Variants in GSAP observed in about 807,000 individuals in gnomAD.
GSAP encodes the protein gamma-secretase-activating protein.
Under a neutral mutation model 131.7 loss-of-function variants are expected in GSAP, and 118 were observed. The observed-to-expected ratio is 0.90, with a 90% CI of 0.77 to 1.04. The LOEUF is 1.04. GSAP is among the 50% of genes least tolerant of loss of function. GSAP has a pLI of 0.00. For synonymous variants in GSAP, 381 were observed against 363.4 expected (o/e 1.05, Z -0.55); for missense variants, 1,019 against 1,013.2 (o/e 1.01, Z -0.08).
intron 24 of GSAP, 126 bp from the exon 25 acceptor site, chr7:77,321,529 A>G (rs1035386332): frequency 1.5e-6 from 1 of 667,770 alleles, no homozygotes; most frequent in Non-Finnish European, 2.7e-6. Flanking sequence ...CCAGACACAC[A>G]ACTAGCCTTT....
chr7:77,370,748 G>T (rs1795998166), intron 12 of GSAP, among the ~76,000 whole-genome samples: 1 of 152,022 alleles, frequency 6.6e-6, no homozygotes, highest in South Asian at 2.1e-4. Flanking sequence ...ATTCCCATAT[G>T]CCACTTAACC....
intron 1 of GSAP, among the ~76,000 whole-genome samples, chr7:77,411,098 T>TATAA (rs1554440951): frequency 1.8e-5 from 2 of 108,866 alleles, no homozygotes; most frequent in African/African-American, 7.2e-5. Flanking sequence ...AAGAAAATAG[T>TATAA]AAAAAAAAAA....
At chr7:77,348,871 T>C (rs1195094525) in intron 19 of GSAP, among the ~76,000 whole-genome samples, 3 of 152,358 alleles carry the variant, frequency 2.0e-5, no homozygotes, top group African/African-American at 7.2e-5. Flanking sequence ...AAAGCTGTTT[T>C]TACAACCAGA....
intron 25 of GSAP, among the ~76,000 whole-genome samples, 195 bp downstream of exon 25, chr7:77,321,138 T>C (rs1358421423): frequency 6.6e-6 from 1 of 152,174 alleles, no homozygotes; most frequent in African/African-American, 2.4e-5. Flanking sequence ...TTTGTTTTAA[T>C]TTTAGCTTTT....
intron 26 of GSAP, among the ~76,000 whole-genome samples, chr7:77,316,546 G>A (rs868761697): frequency 1.4e-4 from 22 of 152,210 alleles, no homozygotes; most frequent in African/African-American, 4.8e-4. Flanking sequence ...TAACAACAAC[G>A]TTTTTCAAAT....
At chr7:77,416,181 C>A in intron 1 of GSAP, 32 bp downstream of exon 1, 3 of 1,058,310 alleles carry the variant, frequency 2.8e-6, no homozygotes, top group Non-Finnish European at 3.9e-6. Flanking sequence ...CACTCCCCGC[C>A]CCCACCCCTC....
rs1798735877 is a variant in GSAP at position 77,387,411 on chromosome 7, A to G, written c.405T>C (p.Pro135=). The change falls in exon 6 of 31, where the codon CCT becomes CCC. Residue 135 remains proline, a synonymous_variant. Transcript: ENST00000257626. ...KCLTLLVEIH[P]VNNVKVLKAV... is the part of the protein sequence containing the mutation. ...CCTTTAGAACCTTCACATTGTTAAC[A>G]GGGTGGATTTCAACCAACAAAGTCA... 1 of 1,606,256 alleles carries G rather than the reference A, an allele frequency of 6.2e-7. No individual in the cohort carries two copies. Among genetic ancestry groups the G allele is most frequent in the African/African-American group, 1.3e-5 (1 of 74,790 alleles).
intron 8 of GSAP, among the ~76,000 whole-genome samples, chr7:77,377,599 C>T (rs1474279396): frequency 1.3e-5 from 2 of 152,106 alleles, no homozygotes; most frequent in African/African-American, 4.8e-5. Flanking sequence ...CTTCTTCCCA[C>T]GTATAATATA....
chr7:77,372,654 T>C (rs1032026861), intron 12 of GSAP, among the ~76,000 whole-genome samples: 2 of 152,194 alleles, frequency 1.3e-5, no homozygotes, highest in Non-Finnish European at 2.9e-5. Context: ...AATGATATGA[T>C]TGTATAAGTA....
At chr7:77,317,634 T>C (rs1199310850) in intron 26 of GSAP, among the ~76,000 whole-genome samples, 1 of 152,226 alleles carries the variant, frequency 6.6e-6, no homozygotes, top group Non-Finnish European at 1.5e-5. Context: ...TTTCCCTCCT[T>C]ATCACTGTGA....
Position 77,351,967 on chromosome 7 carries a change from G to A in GSAP, c.1491+977C>T, listed in dbSNP as rs189533110. The stretch of plus-strand genomic sequence containing the variant: ...CATGTGTTCCAAAAGAAAAACGTGG[G>A]TGCCTAGAGAGGGAACAAGTTCAGG... On this transcript the variant is annotated intron_variant, in intron 18 of 30. Transcript: ENST00000257626. Among the ~76,000 whole-genome samples, 4 of 152,268 alleles carry A rather than the reference G, an allele frequency of 2.6e-5. No individual in the cohort carries two copies. The East Asian group carries it at 5.8e-4, about 22-fold the overall frequency.
Position 77,346,377 on chromosome 7 carries a change from C to A in GSAP, c.1545+2974G>T, listed in dbSNP as rs371305500. ...TGGGGGCTAGGGACAAACTAAATGT[C>A]CAAAAAACAGAAGAACAATTGAGTT... On this transcript the variant is annotated intron_variant, in intron 19 of 30. Coordinates refer to ENST00000257626, the MANE Select transcript of GSAP (RefSeq NM_017439.4). Among the ~76,000 whole-genome samples, 71 of 150,820 alleles carry A rather than the reference C, an allele frequency of 4.7e-4. 3 individuals carry two copies. In the South Asian group the frequency reaches 0.015, roughly 31 times the overall value.
At chr7:77,359,582 C>A (rs1390936244) in intron 14 of GSAP, among the ~76,000 whole-genome samples, 1 of 152,032 alleles carries the variant, frequency 6.6e-6, no homozygotes, top group Non-Finnish European at 1.5e-5. Context: ...ATAAAAATTA[C>A]CTGTACAGCA....
rs190156957 is a variant in GSAP at position 77,393,866 on chromosome 7, G to C, written c.367+3116C>G. 1.6e-4 allele frequency among the ~76,000 whole-genome samples: 25 copies of C among 151,866 alleles called. No individual in the cohort carries two copies. In the East Asian group the frequency reaches 4.7e-3, roughly 28 times the overall value. Reference sequence around the variant, plus strand: ...TTTTTCTATTTTTAGTAAAGACAGGGTTTCACCACGTTGGCCAGGCTGGTC... The same window carrying C: ...TTTTTCTATTTTTAGTAAAGACAGGCTTTCACCACGTTGGCCAGGCTGGTC... On this transcript the variant is annotated intron_variant, in intron 5 of 30. Transcript: ENST00000257626.
chr7:77,364,563 C>G (rs1795002112), intron 12 of GSAP, among the ~76,000 whole-genome samples: 1 of 150,576 alleles, frequency 6.6e-6, no homozygotes, highest in African/African-American at 2.4e-5. Flanking sequence ...AGGAGATATA[C>G]CTAATGCTAA....
intron 8 of GSAP, among the ~76,000 whole-genome samples, chr7:77,381,044 G>A (rs530154430): frequency 1.8e-4 from 28 of 152,288 alleles, no homozygotes; most frequent in Non-Finnish European, 2.9e-4. Context: ...CACGAGCAAG[G>A]TAAAAGCTGT....
In GSAP at chr7:77,404,612, C is replaced by T. The variant is rs904646470; in HGVS notation, c.190G>A (p.Asp64Asn). ...NGNIIYTYKD[D>N]KGNVVFGLYD... ...AATCCAAAGACGACATTTCCCTTAT[C>T]ATCCTAAAAAAAATTAACCAGATGT... Residue 64 changes from aspartate (D) to asparagine (N), a missense_variant, in exon 3 of 31, where the codon GAT becomes AAT. Coordinates refer to ENST00000257626, the MANE Select transcript of GSAP (RefSeq NM_017439.4). 6.5e-7 allele frequency: 1 copy of T among 1,533,736 alleles called. No individual in the cohort carries two copies.
At chr7:77,323,399 T>C (rs550809206) in intron 24 of GSAP, among the ~76,000 whole-genome samples, 7 of 152,364 alleles carry the variant, frequency 4.6e-5, no homozygotes, top group African/African-American at 1.7e-4. Flanking sequence ...CATTGTCCTA[T>C]GCATCCATGG....
chr7:77,351,966 G>A (rs1792928595), intron 18 of GSAP, among the ~76,000 whole-genome samples: 1 of 152,138 alleles, frequency 6.6e-6, no homozygotes, highest in Admixed American at 6.5e-5. Flanking sequence ...GAAAAACGTG[G>A]GTGCCTAGAG....
Sources: allele counts gnomAD v4.1 joint callset (sites outside exome capture counted in the v4.1 genomes callset), GRCh38; gene constraint gnomAD v4.1.1; transcripts MANE v1.5; gene names NCBI Gene and HGNC (gene_info 2026-07-23, HGNC 2026-07-21).